The following SLC39A11 variants were observed in gnomAD, a reference collection of about 807,000 sequenced individuals.
SLC39A11 encodes zinc transporter ZIP11.
Under a neutral mutation model 36.1 loss-of-function variants are expected in SLC39A11, and 33 were observed. The observed-to-expected ratio is 0.91, with a 90% CI of 0.69 to 1.22. The LOEUF (loss-of-function observed/expected upper bound fraction) is 1.22. SLC39A11 is among the 50% of genes most tolerant of loss of function. SLC39A11 has a pLI of 0.00. For synonymous variants in SLC39A11, 166 were observed against 170.3 expected (o/e 0.97, Z 0.20); for missense variants, 432 against 430.3 (o/e 1.00, Z -0.03).
intron 2 of SLC39A11, among the ~76,000 whole-genome samples, chr17:73,086,599 C>G (rs2060737376): frequency 2.0e-5 from 3 of 152,176 alleles, no homozygotes; most frequent in Admixed American, 2.0e-4. Flanking sequence ...GCAGGCAGAT[C>G]ACTTGAGGTC....
intron 6 of SLC39A11, among the ~76,000 whole-genome samples, chr17:72,785,442 G>A (rs1160753257): frequency 6.6e-6 from 1 of 152,234 alleles, no homozygotes; most frequent in Non-Finnish European, 1.5e-5. Context: ...GAAAGGTGGT[G>A]AGGGAGCTCA....
chr17:73,028,829 C>A (rs1008825128), intron 4 of SLC39A11, among the ~76,000 whole-genome samples: 2 of 147,178 alleles, frequency 1.4e-5, no homozygotes, highest in Non-Finnish European at 3.0e-5. Flanking sequence ...AAAAAAAACA[C>A]TGCTGCAGCC....
chr17:72,859,764 G>A (rs866418157), intron 5 of SLC39A11, among the ~76,000 whole-genome samples: 3 of 144,012 alleles, frequency 2.1e-5, no homozygotes, highest in East Asian at 2.1e-4. Context: ...CAAGGCTGGC[G>A]GATCACAAGG....
chr17:73,062,599 T>A (rs1412099530), intron 3 of SLC39A11, among the ~76,000 whole-genome samples: 1 of 140,462 alleles, frequency 7.1e-6, no homozygotes, highest in Non-Finnish European at 1.5e-5. Flanking sequence ...TGTTTCCTGG[T>A]TGGATAGAAA....
At chr17:72,736,924 A>T (rs2143995897) in intron 6 of SLC39A11, among the ~76,000 whole-genome samples, 1 of 152,238 alleles carries the variant, frequency 6.6e-6, no homozygotes, top group Middle Eastern at 3.4e-3. Flanking sequence ...CCTAGGAATG[A>T]TTTTTGTATT....
chr17:72,699,348 G>T (rs943721504), intron 7 of SLC39A11, among the ~76,000 whole-genome samples: 4 of 152,236 alleles, frequency 2.6e-5, no homozygotes, highest in Admixed American at 6.5e-5. Context: ...TGCATTCAAA[G>T]CCATCCTGGG....
chr17:72,892,649 C>T (rs2081817091), intron 5 of SLC39A11, among the ~76,000 whole-genome samples: 1 of 152,142 alleles, frequency 6.6e-6, no homozygotes, highest in African/African-American at 2.4e-5. Context: ...AAAATTGAAT[C>T]TCTTGGTTCC....
chr17:72,663,599 G>A (rs2070581657), intron 7 of SLC39A11, among the ~76,000 whole-genome samples: 1 of 152,172 alleles, frequency 6.6e-6, no homozygotes, highest in Non-Finnish European at 1.5e-5. Flanking sequence ...TGAGGCAGCA[G>A]TGCAAGGCCC....
At chr17:72,783,989 G>T (rs993928020) in intron 6 of SLC39A11, among the ~76,000 whole-genome samples, 1 of 152,100 alleles carries the variant, frequency 6.6e-6, no homozygotes, top group Non-Finnish European at 1.5e-5. Flanking sequence ...AAGGGAACTG[G>T]AGGATGTGGG....
intron 5 of SLC39A11, among the ~76,000 whole-genome samples, chr17:72,937,900 T>C (rs1375676429): frequency 6.6e-6 from 1 of 152,172 alleles, no homozygotes; most frequent in Non-Finnish European, 1.5e-5. Flanking sequence ...TTCTCTCCTC[T>C]GCCATCCTCC....
At chr17:72,701,494 C>T (rs1186618956) in intron 7 of SLC39A11, among the ~76,000 whole-genome samples, 2 of 151,924 alleles carry the variant, frequency 1.3e-5, no homozygotes, top group Admixed American at 6.6e-5. Context: ...TTTGGGAGGC[C>T]GAAGTGGGCA....
chr17:72,707,318 C>T (rs2072932640), intron 7 of SLC39A11, among the ~76,000 whole-genome samples: 1 of 152,104 alleles, frequency 6.6e-6, no homozygotes, highest in South Asian at 2.1e-4. Flanking sequence ...GTGAGAGGAT[C>T]ATATGAGCCC....
chr17:72,811,176 T>C (rs2077425365), intron 6 of SLC39A11, among the ~76,000 whole-genome samples: 1 of 152,160 alleles, frequency 6.6e-6, no homozygotes, highest in Non-Finnish European at 1.5e-5. Flanking sequence ...TCCAAATTCA[T>C]GGCACCAGCA....
At position 72,696,217 on chromosome 17, in the gene SLC39A11, G is replaced by C. The variant is rs116571370; in HGVS notation, c.671+40433C>G. Among the ~76,000 whole-genome samples, 1,152 of 152,098 alleles carry C rather than the reference G, an allele frequency of 7.6e-3. 18 individuals are homozygous for C. Among genetic ancestry groups the C allele is most frequent in the African/African-American group, 0.026 (1,082 of 41,462 alleles). ...AGGCAGGAGTTGGCATTTCAGTTGC[G>C]GTCCAAGGTGGAGATCGGAAAGCAT... On this transcript the variant is annotated intron_variant, in intron 7 of 9. Transcript: ENST00000255559.
intron 4 of SLC39A11, among the ~76,000 whole-genome samples, chr17:72,961,789 A>T (rs894729137): frequency 1.3e-5 from 2 of 152,214 alleles, no homozygotes; most frequent in South Asian, 4.1e-4. Context: ...CCTAATGTAA[A>T]TGATGAGTTG....
chr17:72,825,701 T>C lies in SLC39A11; in HGVS notation c.601+23933A>G, dbSNP rs570973578. ...TCCAAGGCCCTGGGATTCCACCCCT[T>C]GCATCAGTGTGGACTGGATGTGAGA... is the stretch of plus-strand genomic sequence containing the variant. On this transcript the variant is annotated intron_variant, in intron 6 of 9. Coordinates refer to ENST00000255559, the MANE Select transcript of SLC39A11 (RefSeq NM_139177.4). Among the ~76,000 whole-genome samples the C allele has an allele frequency of 7.4e-4, 112 of 152,348 alleles. 2 individuals carry two copies. Among genetic ancestry groups the C allele is most frequent in the Admixed American group, 7.1e-3 (109 of 15,304 alleles).
intron 4 of SLC39A11, among the ~76,000 whole-genome samples, chr17:72,984,965 A>G (rs931611221): frequency 9.9e-5 from 15 of 152,236 alleles, no homozygotes; most frequent in African/African-American, 3.6e-4. Context: ...TTATGGAATC[A>G]ATTTTCTCTG....
intron 3 of SLC39A11, among the ~76,000 whole-genome samples, chr17:73,045,299 C>A (rs903099): frequency 0.65 from 97,208 of 149,370 alleles, 31,862 homozygotes; most frequent in East Asian, 0.86. Flanking sequence ...AAGTTCCATA[C>A]AGCAAGGCAA....
At chr17:72,858,200 C>A (rs921666080) in intron 5 of SLC39A11, among the ~76,000 whole-genome samples, 8 of 152,110 alleles carry the variant, frequency 5.3e-5, no homozygotes, top group African/African-American at 1.9e-4. Context: ...ATATGGCTAG[C>A]CAGTTATCTA....
Sources: gnomAD v4.1 joint callset for allele counts (sites outside exome capture counted in the v4.1 genomes callset) on GRCh38, gnomAD v4.1.1 for gene constraint, MANE v1.5 for transcripts, NCBI Gene and HGNC (gene_info 2026-07-23, HGNC 2026-07-21) for gene names.